GNA12: variants seen among roughly 807,000 people sequenced by gnomAD.
GNA12 encodes the protein G protein subunit alpha 12.
A neutral mutation model predicts 26.0 loss-of-function variants in GNA12; 9 were observed. The observed-to-expected ratio is 0.35, with a 90% CI of 0.21 to 0.60. The LOEUF (loss-of-function observed/expected upper bound fraction) is 0.60, where lower values mean the gene tolerates loss of function less well. GNA12 is among the 20% of genes least tolerant of loss of function. The pLI is 0.78. For missense variants in GNA12, 405 were observed against 525.8 expected (o/e 0.77, Z 2.25); for synonymous variants, 264 against 219.6 (o/e 1.20, Z -1.79).
chr7:2,741,984 C>T (rs1790529496), intron 2 of GNA12, among the ~76,000 whole-genome samples: 1 of 151,674 alleles, frequency 6.6e-6, no homozygotes, highest in Admixed American at 6.6e-5. Context: ...GTTATCATGC[C>T]TCTTTAGTTT....
intron 2 of GNA12, among the ~76,000 whole-genome samples, chr7:2,753,608 T>C (rs1791142685): frequency 6.6e-6 from 1 of 152,198 alleles, no homozygotes; most frequent in African/African-American, 2.4e-5. Flanking sequence ...ATTTTGGTTG[T>C]TTCTGTATTT....
chr7:2,820,180 G>A (rs1038309994), intron 1 of GNA12, among the ~76,000 whole-genome samples: 9 of 152,202 alleles, frequency 5.9e-5, no homozygotes, highest in African/African-American at 2.2e-4. Context: ...AGCGTCGAGA[G>A]AAATCCACGG....
At chr7:2,821,393 G>T (rs188345403) in intron 1 of GNA12, among the ~76,000 whole-genome samples, 20 of 152,332 alleles carry the variant, frequency 1.3e-4, no homozygotes, top group African/African-American at 4.1e-4. Context: ...AATACTGTGA[G>T]AAAATGGATG....
At chr7:2,843,184 A>T (rs768999406) in intron 1 of GNA12, among the ~76,000 whole-genome samples, 6 of 152,134 alleles carry the variant, frequency 3.9e-5, no homozygotes, top group Non-Finnish European at 7.4e-5. Context: ...GCTCAGCCGG[A>T]GGGCACGGCC....
At chr7:2,790,120 A>T (rs1583284152) in intron 2 of GNA12, among the ~76,000 whole-genome samples, 1 of 151,408 alleles carries the variant, frequency 6.6e-6, no homozygotes, top group African/African-American at 2.4e-5. Flanking sequence ...CTGCCACCTC[A>T]CTCCGCACTG....
intron 2 of GNA12, among the ~76,000 whole-genome samples, chr7:2,767,108 T>C (rs991354123): frequency 3.9e-5 from 6 of 152,242 alleles, no homozygotes; most frequent in African/African-American, 1.4e-4. Flanking sequence ...TCTTGTTGAG[T>C]TGTAGGAGTC....
intron 2 of GNA12, among the ~76,000 whole-genome samples, chr7:2,751,856 T>C (rs984510884): frequency 2.0e-5 from 3 of 152,138 alleles, no homozygotes; most frequent in South Asian, 4.1e-4. Context: ...ACTGGATTTG[T>C]TCTAAAACAA....
chr7:2,814,454 A>G, intron 1 of GNA12: 1 of 957,028 alleles, frequency 1.0e-6, no homozygotes, highest in Non-Finnish European at 1.7e-6. Flanking sequence ...ATCAGAATAA[A>G]GCCCTGCTCA....
At chr7:2,759,354 G>T (rs1042142978) in intron 2 of GNA12, among the ~76,000 whole-genome samples, 1 of 152,122 alleles carries the variant, frequency 6.6e-6, no homozygotes, top group African/African-American at 2.4e-5. Flanking sequence ...CTATGTGCCT[G>T]CACTGTTCTA....
intron 2 of GNA12, among the ~76,000 whole-genome samples, chr7:2,735,267 G>A (rs1032388985): frequency 6.6e-6 from 1 of 152,190 alleles, no homozygotes; most frequent in Non-Finnish European, 1.5e-5. Flanking sequence ...GCTCCCCCAG[G>A]GAGCTGAGAG....
intron 2 of GNA12, among the ~76,000 whole-genome samples, chr7:2,773,839 T>A (rs980666496): frequency 6.6e-5 from 10 of 152,180 alleles, no homozygotes; most frequent in African/African-American, 2.4e-4. Context: ...AACATTTTTG[T>A]AATGACGCTG....
intron 2 of GNA12, among the ~76,000 whole-genome samples, chr7:2,764,060 G>C (rs1206286390): frequency 2.0e-5 from 3 of 152,006 alleles, no homozygotes; most frequent in Non-Finnish European, 4.4e-5. Context: ...TCCTCTGATT[G>C]GTTGAGTATT....
chr7:2,825,996 G>A (rs1793476614), intron 1 of GNA12, among the ~76,000 whole-genome samples: 1 of 152,112 alleles, frequency 6.6e-6, no homozygotes, highest in Admixed American at 6.5e-5. Context: ...AATGCCACAT[G>A]GTAGCCAGGA....
intron 2 of GNA12, among the ~76,000 whole-genome samples, chr7:2,761,170 G>A (rs538099840): frequency 2.0e-5 from 3 of 152,256 alleles, no homozygotes; most frequent in African/African-American, 2.4e-5. Flanking sequence ...CCGCCTCACC[G>A]AGCCACCGTG....
chr7:2,803,446 CCCCTAAGTGCTCTCA>C (rs1416651512), intron 1 of GNA12, among the ~76,000 whole-genome samples: 21 of 152,152 alleles, frequency 1.4e-4, no homozygotes, highest in Middle Eastern at 3.2e-3. Context: ...GATCAGGAGC[CCCCTAAGTGCTCTCA>C]CCCCAAGTGC....
chr7:2,797,906 G>T (rs1161541017), intron 1 of GNA12, among the ~76,000 whole-genome samples: 1 of 152,064 alleles, frequency 6.6e-6, no homozygotes, highest in African/African-American at 2.4e-5. Context: ...AGTCTGGCTA[G>T]AAAGACAAAT....
chr7:2,827,014 C>A (rs556759387), intron 1 of GNA12, among the ~76,000 whole-genome samples: 1 of 152,144 alleles, frequency 6.6e-6, no homozygotes, highest in African/African-American at 2.4e-5. Context: ...CAGGGGAAAA[C>A]TGGTGTGGGG....
intron 2 of GNA12, among the ~76,000 whole-genome samples, chr7:2,753,543 A>T (rs1791139177): frequency 6.6e-6 from 1 of 152,038 alleles, no homozygotes; most frequent in Non-Finnish European, 1.5e-5. Flanking sequence ...CTGCTGGGAG[A>T]ATTCCATGGT....
intron 1 of GNA12, chr7:2,814,771 A>G: frequency 9.6e-7 from 1 of 1,041,992 alleles, no homozygotes; most frequent in Non-Finnish European, 1.4e-6. Context: ...TCCAACACAC[A>G]TCCTAGAAAG....
Sources: gnomAD v4.1 joint callset for allele counts (sites outside exome capture counted in the v4.1 genomes callset) on GRCh38, gnomAD v4.1.1 for gene constraint, MANE v1.5 for transcripts, NCBI Gene and HGNC (gene_info 2026-07-23, HGNC 2026-07-21) for gene names.